The following MKLN1 variants were observed in gnomAD, a reference collection of about 807,000 sequenced individuals.
MKLN1 encodes the protein muskelin 1.
Under a neutral mutation model 99.0 loss-of-function variants are expected in MKLN1, and 18 were observed. The observed-to-expected ratio is 0.18, with a 90% confidence interval of 0.13 to 0.27. MKLN1 has a LOEUF of 0.27. Among genes scored for constraint, MKLN1 ranks in the 10% least tolerant of loss-of-function variants. The probability of loss-of-function intolerance (pLI) is 1.00; values close to 1 mark genes in which losing one functional copy is unlikely to be tolerated. For synonymous variants in MKLN1, 288 were observed against 293.2 expected (o/e 0.98, Z 0.18); for missense variants, 621 against 875.9 (o/e 0.71, Z 3.67).
At chr7:131,374,326 T>G (rs1793568471) in intron 1 of MKLN1, among the ~76,000 whole-genome samples, 1 of 152,078 alleles carries the variant, frequency 6.6e-6, no homozygotes, top group Admixed American at 6.6e-5. Context: ...TGTCACTGCT[T>G]CTAGTCCCCC....
intron 1 of MKLN1, among the ~76,000 whole-genome samples, chr7:131,120,170 C>A (rs868081301): frequency 8.9e-3 from 681 of 76,438 alleles, no homozygotes; most frequent in Middle Eastern, 0.011. Flanking sequence ...GACTCCATCT[C>A]AAAAAAAAAA....
At chr7:131,472,500 G>C (rs571227024) in intron 16 of MKLN1, among the ~76,000 whole-genome samples, 2 of 152,204 alleles carry the variant, frequency 1.3e-5, no homozygotes, top group South Asian at 2.1e-4. Flanking sequence ...TTAGGATTTT[G>C]TGTGCCACCA....
intron 3 of MKLN1, among the ~76,000 whole-genome samples, chr7:131,239,115 A>C (rs961316921): frequency 1.3e-5 from 2 of 152,140 alleles, no homozygotes; most frequent in Non-Finnish European, 2.9e-5. Flanking sequence ...AGGAATTTTT[A>C]AGGGGTGCTG....
chr7:131,122,399 A>C (rs1391360674), intron 1 of MKLN1, among the ~76,000 whole-genome samples: 1 of 152,212 alleles, frequency 6.6e-6, no homozygotes, highest in Non-Finnish European at 1.5e-5. Flanking sequence ...GTTGCCATGT[A>C]AGTACCTTCA....
intron 3 of MKLN1, among the ~76,000 whole-genome samples, chr7:131,279,138 A>C (rs1387862013): frequency 6.6e-6 from 1 of 152,242 alleles, no homozygotes; most frequent in Admixed American, 6.5e-5. Flanking sequence ...GACTATTCTC[A>C]TGAAGCTTTT....
chr7:131,115,370 A>T (rs557743949), intron 1 of MKLN1, among the ~76,000 whole-genome samples: 69 of 152,314 alleles, frequency 4.5e-4, no homozygotes, highest in African/African-American at 1.6e-3. Context: ...CCTCCAAAAC[A>T]TTTCCAAAAT....
rs59761731 is a variant in MKLN1, at chr7:131,162,019, AATAT to A, written c.-297+19092_-297+19095del. ...TATATATGTAACAGAGTGATATACAAATATATATATATATATACACACACACACA... is the reference window on the plus strand; with the variant it reads ...TATATATGTAACAGAGTGATATACAAATATATATATATACACACACACACA... On this transcript the variant is annotated intron_variant, in intron 2 of 7. Coordinates refer to the MKLN1 transcript ENST00000416992. 7.4e-4 allele frequency among the ~76,000 whole-genome samples: 99 copies of A among 133,916 alleles called. 1 individual carries two copies. The highest frequency in any genetic ancestry group is 4.0e-3 in the Middle Eastern group (1 of 248). The allele number at this position is 133,916 out of a possible 152,430, so 87.9% of individuals were successfully genotyped here.
intron 12 of MKLN1, among the ~76,000 whole-genome samples, chr7:131,448,706 ATTGT>A (rs1796090255): frequency 2.0e-5 from 3 of 152,332 alleles, no homozygotes; most frequent in East Asian, 3.9e-4. Context: ...AAATGGATTC[ATTGT>A]TTGATTACTG....
chr7:131,369,437 T>A (rs1405065184), intron 1 of MKLN1, among the ~76,000 whole-genome samples: 1 of 152,214 alleles, frequency 6.6e-6, no homozygotes, highest in Non-Finnish European at 1.5e-5. Flanking sequence ...TAATTTCTTT[T>A]TCCATGACAC....
At chr7:131,179,357 G>T (rs1304973240) in intron 2 of MKLN1, among the ~76,000 whole-genome samples, 1 of 152,094 alleles carries the variant, frequency 6.6e-6, no homozygotes, top group Admixed American at 6.5e-5. Flanking sequence ...TCTACCTATT[G>T]AAGGAAGAAG....
chr7:131,241,465 G>A (rs146901125), intron 3 of MKLN1, among the ~76,000 whole-genome samples: 1 of 151,244 alleles, frequency 6.6e-6, no homozygotes, highest in East Asian at 1.9e-4. Flanking sequence ...CCAGCACTTT[G>A]GGAGGCCAAG....
intron 1 of MKLN1, among the ~76,000 whole-genome samples, chr7:131,345,563 A>T (rs1321542406): frequency 2.0e-5 from 3 of 152,058 alleles, no homozygotes; most frequent in Non-Finnish European, 4.4e-5. Flanking sequence ...CAAAACGTTA[A>T]ATTAGTCGGG....
Position 131,135,315 on chromosome 7 carries a change from G to T in MKLN1, c.-418-7505G>T, listed in dbSNP as rs531636247. On this transcript the variant is annotated intron_variant, in intron 1 of 7. Coordinates refer to the MKLN1 transcript ENST00000416992. Reference sequence around the variant, plus strand: ...TTTTTGTATTTTTAGTAGAGACGGGGTTTCACCATGCTGGCCAGGCTGGTC... The same window carrying T: ...TTTTTGTATTTTTAGTAGAGACGGGTTTTCACCATGCTGGCCAGGCTGGTC... Among the ~76,000 whole-genome samples the T allele has an allele frequency of 9.2e-5, 14 of 152,244 alleles. 1 individual carries two copies. The highest frequency in any genetic ancestry group is 3.4e-4 in the African/African-American group (14 of 41,538).
chr7:131,451,634 A>G (rs570140776), intron 12 of MKLN1, among the ~76,000 whole-genome samples: 1 of 152,350 alleles, frequency 6.6e-6, no homozygotes, highest in Admixed American at 6.5e-5. Context: ...GAAGAAAATT[A>G]TAATTTAAAT....
At chr7:131,425,652 T>C (rs1795337830) in intron 8 of MKLN1, among the ~76,000 whole-genome samples, 1 of 152,142 alleles carries the variant, frequency 6.6e-6, no homozygotes, top group South Asian at 2.1e-4. Context: ...ATAGCCTATA[T>C]CCCATTCAGA....
chr7:131,451,361 T>C lies in MKLN1; in HGVS notation c.1525+5458T>C, dbSNP rs145075767. ...GTAATGTGGCTTATTTGATTAAAAT[T>C]ATATTTACAATGTGAGTATCAAATG... On this transcript the variant is annotated intron_variant, in intron 12 of 17. Coordinates refer to ENST00000352689, the MANE Select transcript of MKLN1 (RefSeq NM_013255.5). Among the ~76,000 whole-genome samples, 132 of 152,296 alleles carry C rather than the reference T, an allele frequency of 8.7e-4. 3 individuals carry two copies. The highest frequency in any genetic ancestry group is 3.1e-3 in the African/African-American group (129 of 41,582).
chr7:131,300,644 G>A (rs577845261), intron 3 of MKLN1, among the ~76,000 whole-genome samples: 5 of 141,000 alleles, frequency 3.5e-5, no homozygotes, highest in South Asian at 2.2e-4. Flanking sequence ...TTGAGATCAC[G>A]CCACTGCACT....
chr7:131,245,688 G>A (rs997753923), intron 3 of MKLN1, among the ~76,000 whole-genome samples: 2 of 152,204 alleles, frequency 1.3e-5, no homozygotes, highest in African/African-American at 4.8e-5. Context: ...ATGTCATACA[G>A]GTTTGAAGCC....
chr7:131,125,317 T>C (rs1181484107), intron 1 of MKLN1, among the ~76,000 whole-genome samples: 4 of 152,180 alleles, frequency 2.6e-5, no homozygotes, highest in Non-Finnish European at 4.4e-5. Flanking sequence ...TCTAACCAGC[T>C]AAGAAAAATA....
Sources: gnomAD v4.1 joint callset for allele counts (sites outside exome capture counted in the v4.1 genomes callset) on GRCh38, gnomAD v4.1.1 for gene constraint, MANE v1.5 for transcripts, NCBI Gene and HGNC (gene_info 2026-07-23, HGNC 2026-07-21) for gene names.